The following TRANK1 variants were observed in gnomAD, a reference collection of about 807,000 sequenced individuals.
TRANK1 encodes tetratricopeptide repeat and ankyrin repeat containing 1, also known as TPR and ankyrin repeat-containing protein 1.
In TRANK1, 198 loss-of-function variants were observed where a neutral mutation model predicts 266.0. That is an observed-to-expected ratio of 0.74 (90% CI 0.66 to 0.84). The LOEUF is 0.84. Among genes scored for constraint, TRANK1 ranks in the 40% least tolerant of loss-of-function variants. The pLI is 0.00. For synonymous variants in TRANK1, 1,396 were observed against 1,384.1 expected (o/e 1.01, Z -0.19); for missense variants, 3,326 against 3,634.6 (o/e 0.92, Z 2.18).
In TRANK1 at chr3:36,856,517, G is replaced by T; in HGVS notation, c.3205C>A (p.Leu1069Met). 6.2e-7 allele frequency: 1 copy of T among 1,614,004 alleles called. No individual in the cohort carries two copies. Among genetic ancestry groups the T allele is most frequent in the African/African-American group, 1.3e-5 (1 of 75,038 alleles). Residue 1069 changes from leucine (L) to methionine (M), a missense_variant, in exon 13 of 24, where the codon CTG becomes ATG. Physicochemically the swap from Leu to Met is conservative, Grantham distance 15 (BLOSUM62 2). Transcript: ENST00000645898. Reference sequence around the variant, plus strand: ...CGCCCAATAAGGATGATGGGCTCCAGTGGCCTGGGATTGAGGTCGATCACC... The same window carrying T: ...CGCCCAATAAGGATGATGGGCTCCATTGGCCTGGGATTGAGGTCGATCACC... ...YAVIDLNPRP[L>M]EPIILIGRSG...
At chr3:36,885,129 A>G (rs1394464717) in intron 8 of TRANK1, among the ~76,000 whole-genome samples, 1 of 152,192 alleles carries the variant, frequency 6.6e-6, no homozygotes, top group African/African-American at 2.4e-5. Context: ...CTCATTAACT[A>G]CAAAAGAAAA....
intron 8 of TRANK1, among the ~76,000 whole-genome samples, chr3:36,883,028 G>A (rs760825331): frequency 9.2e-5 from 14 of 152,072 alleles, no homozygotes; most frequent in Non-Finnish European, 1.9e-4. Context: ...TACATTGTCG[G>A]TGGTAACGCA....
intron 2 of TRANK1, among the ~76,000 whole-genome samples, chr3:36,906,040 T>C (rs573257745): frequency 6.6e-6 from 1 of 152,128 alleles, no homozygotes; most frequent in Non-Finnish European, 1.5e-5. Flanking sequence ...ACACACATAG[T>C]GTGGGGTCAG....
In TRANK1 at chr3:36,860,090, G is replaced by A. The variant is rs531581987; in HGVS notation, c.1495+816C>T. On this transcript the variant is annotated intron_variant, in intron 11 of 23. Coordinates refer to ENST00000645898, the MANE Select transcript of TRANK1 (RefSeq NM_001329998.2). ...TTATGTGTTATTGATAACACATAAT[G>A]TTTTTTCTCGTAAAAGACAATTCCT... Among the ~76,000 whole-genome samples the A allele has an allele frequency of 4.6e-5, 7 of 152,240 alleles. No individual in the cohort carries two copies. The East Asian group carries it at 1.2e-3, about 25-fold the overall frequency.
intron 1 of TRANK1, among the ~76,000 whole-genome samples, chr3:36,911,368 C>A (rs1314873773): frequency 2.0e-5 from 3 of 152,128 alleles, no homozygotes; most frequent in Non-Finnish European, 4.4e-5. Flanking sequence ...ACGATGTACC[C>A]TCTTACTAAT....
In TRANK1 at chr3:36,857,596, G is replaced by T; in HGVS notation, c.2126C>A (p.Thr709Asn). Residue 709 changes from threonine to asparagine, a missense_variant, in exon 13 of 24, where the codon ACT becomes AAT. Physicochemically the swap from Thr to Asn is moderately conservative, Grantham distance 65. Transcript: ENST00000645898. This position sits in a 1 kb window ranked among gnomAD's most constrained non-coding sequence, Gnocchi z 4.3. ...EGSAVPDSWE[T>N]LPGTQVTRKE... The stretch of plus-strand genomic sequence containing the variant: ...CCTGGTCACCTGGGTACCTGGGAGA[G>T]TCTCCCAGCTGTCAGGGACTGCACT... 1 of 1,614,052 alleles carries T rather than the reference G, an allele frequency of 6.2e-7. No homozygotes were observed. Among genetic ancestry groups the T allele is most frequent in the Non-Finnish European group, 8.5e-7 (1 of 1,179,902 alleles).
In TRANK1 at chr3:36,858,737, G is replaced by A. The variant is rs1369469320; in HGVS notation, c.1653C>T (p.His551=). The change falls in exon 12 of 24, where the codon CAC becomes CAT. Residue 551 remains histidine (H), a synonymous_variant. Coordinates refer to ENST00000645898, the MANE Select transcript of TRANK1 (RefSeq NM_001329998.2). ...EGDTPLHAAL[H]IFLEIKADIG... ...GCTTACCTTTAATCTCTAGAAAGATGTGGAGTGCTGCATGCAAAGGAGTAT... is the reference window on the plus strand; with the variant it reads ...GCTTACCTTTAATCTCTAGAAAGATATGGAGTGCTGCATGCAAAGGAGTAT... The A allele has an allele frequency of 2.0e-6, 3 of 1,533,460 alleles. No homozygotes were observed. The highest frequency in any genetic ancestry group is 4.0e-5 in the Admixed American group (2 of 50,338). The allele number at this position is 1,533,460 out of a possible 1,614,324, so 95.0% of individuals were successfully genotyped here.
At chr3:36,878,813 A>G (rs1279445947) in intron 8 of TRANK1, among the ~76,000 whole-genome samples, 2 of 131,414 alleles carry the variant, frequency 1.5e-5, no homozygotes, top group African/African-American at 6.4e-5. Flanking sequence ...TGGCTCACTA[A>G]AAGAAATCTT....
intron 2 of TRANK1, among the ~76,000 whole-genome samples, chr3:36,904,911 C>T (rs899406944): frequency 6.6e-6 from 1 of 152,052 alleles, no homozygotes; most frequent in Non-Finnish European, 1.5e-5. Flanking sequence ...TTATCCTCAG[C>T]CTAATGAGAG....
chr3:36,832,230 G>A lies in TRANK1; in HGVS notation c.7353C>T (p.Asn2451=), dbSNP rs770360731. The change falls in exon 22 of 24, where the codon AAC becomes AAT. Residue 2451 remains asparagine (N), a synonymous_variant. Coordinates refer to ENST00000645898, the MANE Select transcript of TRANK1 (RefSeq NM_001329998.2). ...CKEPLIPSIG[N]TVALLEFQFI... ...ACTGGAACTCCAGGAGGGCTACTGT[G>A]TTTCCAATGCTGGGGATGAGTGGTT... 2.1e-5 allele frequency: 34 copies of A among 1,613,888 alleles called. No individual in the cohort carries two copies. Among genetic ancestry groups the A allele is most frequent in the Non-Finnish European group, 2.8e-5 (33 of 1,179,892 alleles).
rs1189052658 is a variant in TRANK1, at chr3:36,861,060, C to A, written c.1341G>T (p.Leu447=). The change falls in exon 11 of 24, where the codon CTG becomes CTT. Residue 447 remains leucine (L), a synonymous_variant. Transcript: ENST00000645898. ...EKQRWPEVLL[L]LTRKVSGEPP... ...GTTCTCCACTTACTTTGCGGGTCAG[C>A]AGCAGAAGCACCTCAGGCCATCTCT... 2.6e-6 allele frequency: 4 copies of A among 1,537,680 alleles called. No homozygotes were observed. In the African/African-American group the frequency reaches 5.5e-5, roughly 21 times the overall value.
Position 36,876,619 on chromosome 3 carries a change from T to C in TRANK1, c.908-2323A>G, listed in dbSNP as rs1016356007. Among the ~76,000 whole-genome samples the C allele has an allele frequency of 3.3e-5, 5 of 152,164 alleles. No individual in the cohort carries two copies. In the East Asian group the frequency reaches 7.7e-4, roughly 23 times the overall value. On this transcript the variant is annotated intron_variant, in intron 8 of 23. Coordinates refer to ENST00000645898, the MANE Select transcript of TRANK1 (RefSeq NM_001329998.2). ...AGAAATAACCACAAACCGCTACAGA[T>C]GAAAACAAACAAACCTAACAACTCT...
rs761417309 is a variant in TRANK1, at chr3:36,852,775, TAA to T, written c.4550-432_4550-431del. ...TGACAGAGCGAGACTCCATCTCAAT[TAA>T]AAAAAAAAAAAAAAAAAAAAAACAA... On this transcript the variant is annotated intron_variant, in intron 13 of 23. Transcript: ENST00000645898. Among the ~76,000 whole-genome samples the T allele has an allele frequency of 4.9e-3, 584 of 120,182 alleles. 6 individuals carry two copies. The highest frequency in any genetic ancestry group is 0.034 in the South Asian group (124 of 3,622). 78.8% of individuals were successfully genotyped at this position (120,182 alleles called of 152,430 possible). A position where few individuals can be genotyped will look rare whatever the true frequency, so the allele number is the denominator to read the frequency against.
At chr3:36,912,434 G>A (rs1449921866) in intron 1 of TRANK1, among the ~76,000 whole-genome samples, 1 of 152,166 alleles carries the variant, frequency 6.6e-6, no homozygotes, top group Non-Finnish European at 1.5e-5. Context: ...GGCTGGCACT[G>A]AGCACTCTAC....
chr3:36,879,823 A>G (rs992452529), intron 8 of TRANK1, among the ~76,000 whole-genome samples: 1 of 113,934 alleles, frequency 8.8e-6, no homozygotes, highest in Non-Finnish European at 1.7e-5. Flanking sequence ...TAAATATACA[A>G]ATATATGTAA....
At position 36,857,529 on chromosome 3, in the gene TRANK1, G is replaced by A. The variant is rs773886672; in HGVS notation, c.2193C>T (p.Cys731=). 2.0e-5 allele frequency: 32 copies of A among 1,614,030 alleles called. No homozygotes were observed. Among genetic ancestry groups the A allele is most frequent in the Non-Finnish European group, 7.6e-6 (9 of 1,179,884 alleles). ...GALRPCSLRD[C]LMQDITVLIQ... is the part of the protein sequence containing the mutation. ...TCAAAACTGTGATGTCCTGCATAAG[G>A]CAGTCTCTCAGCGAGCAGGGCCTGA... The change falls in exon 13 of 24, where the codon TGC becomes TGT. Residue 731 remains cysteine, a synonymous_variant. Coordinates refer to ENST00000645898, the MANE Select transcript of TRANK1 (RefSeq NM_001329998.2). This position sits in a 1 kb window ranked among gnomAD's most constrained non-coding sequence, Gnocchi z 4.3.
intron 2 of TRANK1, among the ~76,000 whole-genome samples, chr3:36,905,759 A>G (rs1168191761): frequency 1.3e-5 from 2 of 152,250 alleles, no homozygotes; most frequent in East Asian, 1.9e-4. Flanking sequence ...AGAGCTGCCT[A>G]TGGGATCAGG....
chr3:36,914,019 C>A (rs2080091058), intron 1 of TRANK1, among the ~76,000 whole-genome samples: 1 of 152,210 alleles, frequency 6.6e-6, no homozygotes, highest in Non-Finnish European at 1.5e-5. Flanking sequence ...CAGCTCCGAA[C>A]TGTTTTTGTA....
rs1269572961 is a variant in TRANK1, at chr3:36,827,662, CAGA to C, written c.*610_*612del. On this transcript the variant is annotated 3_prime_UTR_variant, in exon 24 of 24. Transcript: ENST00000645898. Reference sequence around the variant, plus strand: ...GGTAGCTAAGAATGATCACAAAAAACAGAAGAAGGGAAGGCAGAAAAGTCGCCA... The same window carrying C: ...GGTAGCTAAGAATGATCACAAAAAACAGAAGGGAAGGCAGAAAAGTCGCCA... The C allele has an allele frequency of 2.0e-5, 3 of 152,472 alleles. No homozygotes were observed. The highest frequency in any genetic ancestry group is 4.8e-5 in the African/African-American group (2 of 41,436). 9.4% of individuals were successfully genotyped at this position (152,472 alleles called of 1,614,324 possible).
Sources: allele counts gnomAD v4.1 joint callset (sites outside exome capture counted in the v4.1 genomes callset), GRCh38; gene constraint gnomAD v4.1.1; non-coding constraint Gnocchi (gnomAD v3.1); transcripts MANE v1.5; gene names NCBI Gene and HGNC (gene_info 2026-07-23, HGNC 2026-07-21).